KHDRBS2: variants seen among roughly 807,000 people sequenced by gnomAD.
The protein encoded by KHDRBS2 is KH RNA binding domain containing, signal transduction associated 2, also known as KH domain-containing, RNA-binding, signal transduction-associated protein 2.
A neutral mutation model predicts 44.3 loss-of-function variants in KHDRBS2; 26 were observed. The ratio of observed to expected loss-of-function variants is 0.59; its 90% CI spans 0.43 to 0.81. The LOEUF (loss-of-function observed/expected upper bound fraction) is 0.81, where lower values mean the gene tolerates loss of function less well. Among genes scored for constraint, KHDRBS2 ranks in the 40% least tolerant of loss-of-function variants. KHDRBS2 has a pLI of 0.00. For synonymous variants in KHDRBS2, 194 were observed against 151.1 expected (o/e 1.28, Z -2.08); for missense variants, 476 against 433.1 (o/e 1.10, Z -0.88).
At chr6:62,067,431 C>T (rs1184570296) in intron 2 of KHDRBS2, among the ~76,000 whole-genome samples, 1 of 151,486 alleles carries the variant, frequency 6.6e-6, no homozygotes, top group Non-Finnish European at 1.5e-5. Flanking sequence ...AAGAGCTCTG[C>T]TGATAAATTT....
intron 2 of KHDRBS2, among the ~76,000 whole-genome samples, chr6:62,171,269 T>C (rs1819942144): frequency 1.3e-5 from 2 of 151,746 alleles, no homozygotes; most frequent in Admixed American, 1.3e-4. Flanking sequence ...AAAAATGGAC[T>C]ACAAAAATTT....
chr6:61,744,078 C>T (rs995440919), intron 6 of KHDRBS2, among the ~76,000 whole-genome samples: 8 of 151,804 alleles, frequency 5.3e-5, no homozygotes, highest in African/African-American at 1.7e-4. Context: ...TGAATAGTGC[C>T]GCTATAAGCA....
At chr6:61,965,640 TA>T (rs894831926) in intron 4 of KHDRBS2, among the ~76,000 whole-genome samples, 3 of 151,888 alleles carry the variant, frequency 2.0e-5, no homozygotes, top group Non-Finnish European at 4.4e-5. Context: ...TATTTTGTTA[TA>T]ATATTGTACA....
At chr6:61,932,922 T>C (rs1466738115) in intron 4 of KHDRBS2, among the ~76,000 whole-genome samples, 6 of 152,226 alleles carry the variant, frequency 3.9e-5, no homozygotes, top group Non-Finnish European at 8.8e-5. Context: ...ATTCTTTTTA[T>C]GTATGAATTG....
chr6:62,161,631 G>A (rs1451826891), intron 2 of KHDRBS2, among the ~76,000 whole-genome samples: 1 of 141,054 alleles, frequency 7.1e-6, no homozygotes, highest in Non-Finnish European at 1.5e-5. Flanking sequence ...AAACTTTACT[G>A]ATAAGGAGAA....
At chr6:61,890,859 G>A (rs1304428787) in intron 6 of KHDRBS2, among the ~76,000 whole-genome samples, 2 of 152,132 alleles carry the variant, frequency 1.3e-5, no homozygotes, top group Admixed American at 1.3e-4. Flanking sequence ...TTTTAAGATT[G>A]TCTAAGGTTT....
chr6:61,839,891 T>C (rs1348656258), intron 6 of KHDRBS2, among the ~76,000 whole-genome samples: 1 of 152,132 alleles, frequency 6.6e-6, no homozygotes, highest in Non-Finnish European at 1.5e-5. Flanking sequence ...TTTCAGTTCA[T>C]GACTGATGGC....
At chr6:62,126,742 T>C in intron 2 of KHDRBS2, among the ~76,000 whole-genome samples, 1 of 152,224 alleles carries the variant, frequency 6.6e-6, no homozygotes, top group Admixed American at 6.5e-5. Context: ...TTTCAAAGTT[T>C]TCCAATCTTC....
chr6:61,810,740 G>T (rs190845206), intron 6 of KHDRBS2, among the ~76,000 whole-genome samples: 1 of 152,066 alleles, frequency 6.6e-6, no homozygotes, highest in Admixed American at 6.5e-5. Context: ...GAGGGACTGA[G>T]AATTGAATAA....
At chr6:62,201,784 T>G (rs1400494129) in intron 1 of KHDRBS2, among the ~76,000 whole-genome samples, 3 of 152,058 alleles carry the variant, frequency 2.0e-5, no homozygotes, top group Non-Finnish European at 2.9e-5. Flanking sequence ...ATAGATAATA[T>G]TCATTTTTAT....
intron 2 of KHDRBS2, among the ~76,000 whole-genome samples, chr6:62,100,628 C>T (rs1801646349): frequency 6.6e-6 from 1 of 152,132 alleles, no homozygotes; most frequent in Admixed American, 6.5e-5. Flanking sequence ...AAGTCAAGAC[C>T]CTAACCAGCA....
intron 1 of KHDRBS2, among the ~76,000 whole-genome samples, chr6:62,206,109 T>C (rs1336926818): frequency 1.3e-5 from 2 of 152,164 alleles, no homozygotes; most frequent in Admixed American, 1.3e-4. Flanking sequence ...AAAATACTTG[T>C]TGGAGACTGA....
chr6:62,107,856 T>G (rs896056324), intron 2 of KHDRBS2, among the ~76,000 whole-genome samples: 3 of 152,328 alleles, frequency 2.0e-5, no homozygotes, highest in Admixed American at 2.0e-4. Flanking sequence ...GGATTCCCTA[T>G]TTAATGAATG....
chr6:62,102,521 C>T (rs1177524545), intron 2 of KHDRBS2, among the ~76,000 whole-genome samples: 1 of 152,208 alleles, frequency 6.6e-6, no homozygotes, highest in East Asian at 1.9e-4. Flanking sequence ...AAGCTCTTCT[C>T]TCCTTGCTGC....
At chr6:61,560,618 T>A in the KHDRBS2 span, among the ~76,000 whole-genome samples, 1 of 152,208 alleles carries the variant, frequency 6.6e-6, no homozygotes, top group Non-Finnish European at 1.5e-5. Flanking sequence ...TTCTTCAGTA[T>A]TCCAATTGCA....
At position 61,680,942 on chromosome 6, in the gene KHDRBS2, G is replaced by A. The variant is rs1275073134; in HGVS notation, c.*21C>T. 2.7e-6 allele frequency: 4 copies of A among 1,488,234 alleles called. No homozygotes were observed. Among genetic ancestry groups the A allele is most frequent in the Admixed American group, 3.4e-5 (2 of 58,160 alleles). The allele number at this position is 1,488,234 out of a possible 1,614,324, so 92.2% of individuals were successfully genotyped here. A position where few individuals can be genotyped will look rare whatever the true frequency, so the allele number is the denominator to read the frequency against. ...AGGCTATGAATTGTCTTTGAGGTGA[G>A]GTCACAGGTGGGAAGGACCTTCAAT... On this transcript the variant is annotated 3_prime_UTR_variant, in exon 9 of 9. Transcript: ENST00000281156.
At chr6:61,921,344 T>C (rs1808026396) in intron 4 of KHDRBS2, among the ~76,000 whole-genome samples, 2 of 151,974 alleles carry the variant, frequency 1.3e-5, no homozygotes, top group African/African-American at 4.8e-5. Context: ...CTATTCTAGA[T>C]GAACAGGAGA....
At chr6:61,746,599 A>G (rs1776893400) in intron 6 of KHDRBS2, among the ~76,000 whole-genome samples, 2 of 152,176 alleles carry the variant, frequency 1.3e-5, no homozygotes, top group Admixed American at 1.3e-4. Context: ...TATTGTAAAT[A>G]GTGCTTCAAT....
At chr6:61,770,021 G>A (rs1177705233) in intron 6 of KHDRBS2, among the ~76,000 whole-genome samples, 3 of 152,100 alleles carry the variant, frequency 2.0e-5, no homozygotes, top group African/African-American at 4.8e-5. Flanking sequence ...CAGCATCTGC[G>A]GTTCACCAAT....
Sources: allele counts gnomAD v4.1 joint callset (sites outside exome capture counted in the v4.1 genomes callset), GRCh38; gene constraint gnomAD v4.1.1; transcripts MANE v1.5; gene names NCBI Gene and HGNC (gene_info 2026-07-23, HGNC 2026-07-21).